PRKN: variants seen among roughly 807,000 people sequenced by gnomAD.
The protein encoded by PRKN is parkin RBR E3 ubiquitin protein ligase.
PRKN carries 56 observed loss-of-function variants against 59.5 expected under a neutral mutation model. That is an observed-to-expected ratio of 0.94 (90% confidence interval 0.76 to 1.18). PRKN has a LOEUF of 1.18. Among genes scored for constraint, PRKN ranks in the 50% most tolerant of loss-of-function variants. PRKN has a pLI of 0.00. For missense variants in PRKN, 657 were observed against 596.4 expected, an observed-to-expected ratio of 1.10 and a Z score of -1.06; for synonymous variants, 250 against 222.1, an observed-to-expected ratio of 1.13 and a Z score of -1.12.
chr6:162,389,913 C>G (rs1182175413), intron 2 of PRKN, among the ~76,000 whole-genome samples: 3 of 152,202 alleles, frequency 2.0e-5, no homozygotes, highest in African/African-American at 7.2e-5. Context: ...TCTGCACTGG[C>G]ATTTGGCCTT....
intron 9 of PRKN, among the ~76,000 whole-genome samples, chr6:161,435,582 G>A (rs1427537818): frequency 6.6e-6 from 1 of 151,804 alleles, no homozygotes; most frequent in East Asian, 2.0e-4. Flanking sequence ...TTTTACCATT[G>A]CAGAAATGGA....
intron 9 of PRKN, among the ~76,000 whole-genome samples, chr6:161,492,689 C>A (rs988853464): frequency 7.9e-5 from 12 of 152,320 alleles, no homozygotes; most frequent in Non-Finnish European, 1.5e-4. Flanking sequence ...CCATCTAAAA[C>A]AAGGATTATA....
chr6:162,115,203 G>C (rs1780613128), intron 4 of PRKN, among the ~76,000 whole-genome samples: 1 of 152,028 alleles, frequency 6.6e-6, no homozygotes, highest in Non-Finnish European at 1.5e-5. Flanking sequence ...TAGGGACATG[G>C]ATGAAACTGG....
intron 4 of PRKN, among the ~76,000 whole-genome samples, chr6:162,091,597 G>A (rs1248536538): frequency 6.6e-6 from 1 of 152,170 alleles, no homozygotes; most frequent in Non-Finnish European, 1.5e-5. Flanking sequence ...TGAACTCTCT[G>A]CAGGCACCGA....
intron 6 of PRKN, among the ~76,000 whole-genome samples, chr6:161,864,212 G>A (rs2128225312): frequency 6.6e-6 from 1 of 152,206 alleles, no homozygotes; most frequent in South Asian, 2.1e-4. Flanking sequence ...TTCAAAATTG[G>A]AGTCAATCCT....
chr6:162,690,358 T>C (rs1180362637), intron 1 of PRKN, among the ~76,000 whole-genome samples: 1 of 152,182 alleles, frequency 6.6e-6, no homozygotes, highest in Non-Finnish European at 1.5e-5. Context: ...GAGGCTGCTG[T>C]TCAAACTCAA....
rs1790086393 is a variant in PRKN, at chr6:161,458,903, C to G, written c.1084-72026G>C. 7.0e-6 allele frequency among the ~76,000 whole-genome samples: 1 copy of G among 142,978 alleles called. No homozygotes were observed. Among genetic ancestry groups the G allele is most frequent in the Non-Finnish European group, 1.5e-5 (1 of 66,698 alleles). The allele number at this position is 142,978 out of a possible 152,430, so 93.8% of individuals were successfully genotyped here. A position where few individuals can be genotyped will look rare whatever the true frequency, so the allele number is the denominator to read the frequency against. ...GTCTAAACCTTATAATTACCAGAAG[C>G]CATTTTCATGTTTTTTTTTTTCTTT... On this transcript the variant is annotated intron_variant, in intron 9 of 11. Coordinates refer to ENST00000366898, the MANE Select transcript of PRKN (RefSeq NM_004562.3). The surrounding 1 kb of genome is among the most constrained non-coding windows in gnomAD (Gnocchi z 6.1).
intron 4 of PRKN, among the ~76,000 whole-genome samples, chr6:162,124,357 A>C (rs2128306340): frequency 6.6e-6 from 1 of 152,298 alleles, no homozygotes; most frequent in Non-Finnish European, 1.5e-5. Context: ...AACCAGTGGG[A>C]TCTGTCTTTC....
At position 161,462,512 on chromosome 6, in the gene PRKN, A is replaced by C. The variant is rs2115168386; in HGVS notation, c.1084-75635T>G. On this transcript the variant is annotated intron_variant, in intron 9 of 11. Transcript: ENST00000366898. This position sits in a 1 kb window ranked among gnomAD's most constrained non-coding sequence, Gnocchi z 4.5. The stretch of plus-strand genomic sequence containing the variant: ...TGGTTAGTATGTTTGACCAGTCATT[A>C]AAATGTGTGTCTTTCTGGAAAAATA... Among the ~76,000 whole-genome samples, 1 of 152,328 alleles carries C rather than the reference A, an allele frequency of 6.6e-6. No homozygotes were observed. The highest frequency in any genetic ancestry group is 1.9e-4 in the East Asian group (1 of 5,186).
chr6:161,531,239 G>C (rs1196499907), intron 9 of PRKN, among the ~76,000 whole-genome samples: 1 of 151,934 alleles, frequency 6.6e-6, no homozygotes, highest in African/African-American at 2.4e-5. Context: ...AAATTAGCCG[G>C]GTATGGTGGC....
Position 161,414,305 on chromosome 6 carries a change from G to A in PRKN, c.1084-27428C>T, listed in dbSNP as rs998437538. On this transcript the variant is annotated intron_variant, in intron 9 of 11. Coordinates refer to ENST00000366898, the MANE Select transcript of PRKN (RefSeq NM_004562.3). The surrounding 1 kb of genome is among the most constrained non-coding windows in gnomAD (Gnocchi z 5.3). ...TTCAGCGTTGTTTGTCACAGGCAGC[G>A]GCCAGTCTCTGTGTTCTCGGGCGCT... Among the ~76,000 whole-genome samples, 3 of 152,138 alleles carry A rather than the reference G, an allele frequency of 2.0e-5. No homozygotes were observed. Among genetic ancestry groups the A allele is most frequent in the Non-Finnish European group, 2.9e-5 (2 of 68,042 alleles).
chr6:161,964,405 T>G lies in PRKN; in HGVS notation c.734+8897A>C, dbSNP rs569366180. Among the ~76,000 whole-genome samples, 94 of 152,070 alleles carry G rather than the reference T, an allele frequency of 6.2e-4. 3 individuals are homozygous for G. Among genetic ancestry groups the G allele is most frequent in the African/African-American group, 2.2e-3 (93 of 41,400 alleles). ...GTTTATAGCAGCTCTCCCTCAAGAC[T>G]GGATTAGATGAGGGTGTGTCACACT... On this transcript the variant is annotated intron_variant, in intron 6 of 11. Transcript: ENST00000366898.
chr6:162,708,358 G>A lies in PRKN; in HGVS notation c.7+19304C>T, dbSNP rs534109197. Among the ~76,000 whole-genome samples the A allele has an allele frequency of 3.9e-4, 60 of 152,236 alleles. No homozygotes were observed. The South Asian group carries it at 5.6e-3, about 14-fold the overall frequency. ...ACGGAGATGAGTATTCAAGATAATAGAAGTAGAAATCATATCTTTGTCTTA... is the reference window on the plus strand; with the variant it reads ...ACGGAGATGAGTATTCAAGATAATAAAAGTAGAAATCATATCTTTGTCTTA... On this transcript the variant is annotated intron_variant, in intron 1 of 11. Transcript: ENST00000366898.
In PRKN at chr6:161,642,643, T is replaced by A. The variant is rs147878373; in HGVS notation, c.872-73227A>T. ...GAAGTCAGTGGAGGTATACACATACTAAGTACCCACAAAAATTTTAAAAAC... is the reference window on the plus strand; with the variant it reads ...GAAGTCAGTGGAGGTATACACATACAAAGTACCCACAAAAATTTTAAAAAC... On this transcript the variant is annotated intron_variant, in intron 7 of 11. Transcript: ENST00000366898. Among the ~76,000 whole-genome samples the A allele has an allele frequency of 3.8e-3, 584 of 152,240 alleles. 1 individual carries two copies. The highest frequency in any genetic ancestry group is 0.013 in the African/African-American group (551 of 41,558).
intron 4 of PRKN, among the ~76,000 whole-genome samples, chr6:162,098,175 C>T (rs1478104836): frequency 2.6e-5 from 4 of 152,082 alleles, no homozygotes; most frequent in Non-Finnish European, 5.9e-5. Flanking sequence ...AATACTATTT[C>T]ATTTTGTAAG....
chr6:162,710,137 T>C (rs750059633), intron 1 of PRKN, among the ~76,000 whole-genome samples: 4 of 152,074 alleles, frequency 2.6e-5, no homozygotes, highest in East Asian at 1.9e-4. Flanking sequence ...TTACCTGATA[T>C]AGGTCTTTGT....
intron 1 of PRKN, among the ~76,000 whole-genome samples, chr6:162,723,574 C>T (rs1002096377): frequency 6.6e-6 from 1 of 152,168 alleles, no homozygotes; most frequent in East Asian, 1.9e-4. Context: ...GGCAGGGCAG[C>T]TCTTTACTAC....
In PRKN at chr6:162,506,148, T is replaced by C. The variant is rs76921497; in HGVS notation, c.8-62675A>G. Among the ~76,000 whole-genome samples, 1,501 of 151,104 alleles carry C rather than the reference T, an allele frequency of 9.9e-3. 19 individuals are homozygous for C. Among genetic ancestry groups the C allele is most frequent in the East Asian group, 0.021 (107 of 5,102 alleles). ...TCTGAATCTGAGAAGAAAATGTATG[T>C]CCTCATTCAATAGTTGGTATTTGAT... On this transcript the variant is annotated intron_variant, in intron 1 of 11. Transcript: ENST00000366898.
Position 161,456,516 on chromosome 6 carries a change from G to A in PRKN, c.1084-69639C>T, listed in dbSNP as rs1562461665. 6.6e-6 allele frequency among the ~76,000 whole-genome samples: 1 copy of A among 152,102 alleles called. No homozygotes were observed. Among genetic ancestry groups the A allele is most frequent in the Non-Finnish European group, 1.5e-5 (1 of 68,040 alleles). On this transcript the variant is annotated intron_variant, in intron 9 of 11. Coordinates refer to ENST00000366898, the MANE Select transcript of PRKN (RefSeq NM_004562.3). This position sits in a 1 kb window ranked among gnomAD's most constrained non-coding sequence, Gnocchi z 4.8. ...CCTCAGCTTGCAGACAGTCTATTGT[G>A]GGACTTCTCCTTGTGATCGTGTGAG...
Sources: gnomAD v4.1 joint callset for allele counts (sites outside exome capture counted in the v4.1 genomes callset) on GRCh38, gnomAD v4.1.1 for gene constraint, Gnocchi (gnomAD v3.1) non-coding constraint, MANE v1.5 for transcripts, NCBI Gene and HGNC (gene_info 2026-07-23, HGNC 2026-07-21) for gene names.